The following AFF4 variants were observed in gnomAD, a reference collection of about 807,000 sequenced individuals.
AFF4 encodes the protein AF4/FMR2 family member 4.
In AFF4, 13 loss-of-function variants were observed where a neutral mutation model predicts 124.8. The ratio of observed to expected loss-of-function variants is 0.10; its 90% CI spans 0.07 to 0.17. AFF4 has a LOEUF of 0.17. AFF4 is among the 10% of genes least tolerant of loss of function. The pLI, the probability that AFF4 is intolerant of heterozygous loss-of-function variation, is 1.00. For synonymous variants in AFF4, 477 were observed against 496.1 expected, an observed-to-expected ratio of 0.96 and a Z score of 0.51; for missense variants, 1,092 against 1,403.8, an observed-to-expected ratio of 0.78 and a Z score of 3.55.
intron 6 of AFF4, among the ~76,000 whole-genome samples, chr5:132,903,492 T>TA (rs1270085958): frequency 2.0e-5 from 3 of 152,178 alleles, no homozygotes; most frequent in Non-Finnish European, 4.4e-5. Context: ...AGGTATACGG[T>TA]AAAGCCCAGA....
intron 5 of AFF4, among the ~76,000 whole-genome samples, chr5:132,906,790 G>A (rs1760680519): frequency 6.7e-6 from 1 of 149,030 alleles, no homozygotes; most frequent in African/African-American, 2.4e-5. Context: ...GGTCACTTTT[G>A]TGACTTTTGT....
At chr5:132,892,897 A>G (rs1466611879) in intron 12 of AFF4, 133 bp downstream of exon 12, 2 of 770,844 alleles carry the variant, frequency 2.6e-6, no homozygotes, top group Admixed American at 2.4e-5. Flanking sequence ...ACTATTTGGC[A>G]TATGTTATGT....
At chr5:132,948,194 G>A (rs1453451975) in intron 1 of AFF4, among the ~76,000 whole-genome samples, 1 of 152,018 alleles carries the variant, frequency 6.6e-6, no homozygotes, top group Non-Finnish European at 1.5e-5. Flanking sequence ...GGGACTACAG[G>A]CACCCGCCAA....
intron 4 of AFF4, chr5:132,927,632 CA>C (rs1347288114): frequency 6.2e-6 from 1 of 161,792 alleles, no homozygotes; most frequent in Admixed American, 6.5e-5. Flanking sequence ...TTAGTACTCA[CA>C]ATGACATTAT....
chr5:132,891,600 A>G (rs1351078350), intron 13 of AFF4, among the ~76,000 whole-genome samples: 3 of 152,166 alleles, frequency 2.0e-5, no homozygotes, highest in Non-Finnish European at 4.4e-5. Context: ...TTAGCTAAAG[A>G]TTTCTTTTTC....
intron 14 of AFF4, 117 bp from the exon 15 acceptor site, chr5:132,888,277 C>T (rs1439180102): frequency 1.4e-6 from 1 of 735,572 alleles, no homozygotes; most frequent in Non-Finnish European, 2.1e-6. Context: ...TGAGCTGTTA[C>T]TAAGAATTTG....
chr5:132,949,583 G>A (rs1039263138), intron 1 of AFF4, among the ~76,000 whole-genome samples: 5 of 151,074 alleles, frequency 3.3e-5, no homozygotes, highest in Non-Finnish European at 7.4e-5. Flanking sequence ...AGGCTGAGGC[G>A]GGTGGATCAC....
chr5:132,908,415 T>G (rs1047735941), intron 5 of AFF4, among the ~76,000 whole-genome samples: 3 of 152,100 alleles, frequency 2.0e-5, no homozygotes, highest in Non-Finnish European at 4.4e-5. Context: ...ATGGAAGAAA[T>G]ACCATGCTTA....
intron 7 of AFF4, chr5:132,901,019 T>C (rs1331970931): frequency 4.1e-6 from 4 of 985,324 alleles, no homozygotes; most frequent in Non-Finnish European, 4.8e-6. Flanking sequence ...AAACACCACC[T>C]TGAAATAAAG....
chr5:132,934,424 C>A lies in AFF4; in HGVS notation c.641G>T (p.Arg214Leu). 6.2e-7 allele frequency: 1 copy of A among 1,614,066 alleles called. No homozygotes were observed. Among genetic ancestry groups the A allele is most frequent in the Non-Finnish European group, 8.5e-7 (1 of 1,180,020 alleles). Residue 214 changes from arginine to leucine, a missense_variant, in exon 3 of 21, where the codon CGG (arginine) becomes CTG (leucine). Around this residue, in one of 11 missense-constraint regions of AFF4, gnomAD observed 188 missense variants for 203.0 expected, o/e 0.93. Transcript: ENST00000265343. ...AGAATCCCAGTTTGCATCAGGGTCC[C>A]GAGGTGATTTGGAGCGTTGATGTTC... is the stretch of plus-strand genomic sequence containing the variant. The part of the protein sequence containing the change: ...SKEHQRSKSP[R>L]DPDANWDSPS...
rs946669782 is a variant in AFF4 at position 132,898,158 on chromosome 5, T to A, written c.1389+72A>T. ...CTTTCCTTCTCCTTTTATATTTGGA[T>A]CAGGTTTTAAATGGACATCACCAAG... is the stretch of plus-strand genomic sequence containing the variant. On this transcript the variant is annotated intron_variant, in intron 10 of 20. Transcript: ENST00000265343. 2.9e-5 allele frequency: 45 copies of A among 1,535,206 alleles called. No individual in the cohort carries two copies. The African/African-American group carries it at 5.7e-4, about 19-fold the overall frequency.
intron 1 of AFF4, among the ~76,000 whole-genome samples, chr5:132,954,162 G>A (rs938370761): frequency 2.0e-5 from 3 of 152,100 alleles, no homozygotes; most frequent in Non-Finnish European, 4.4e-5. Context: ...TTTCACAGAC[G>A]ACAATTTTTC....
chr5:132,927,180 G>C lies in AFF4; in HGVS notation c.991C>G (p.Leu331Val). Residue 331 changes from leucine (L) to valine (V), a missense_variant, in exon 5 of 21, where the codon CTA (leucine) becomes GTA (valine). Coordinates refer to ENST00000265343, the MANE Select transcript of AFF4 (RefSeq NM_014423.4). Reference protein sequence around the residue: ...KEMTHSWPPPLTAIHTPCKTE... With the variant: ...KEMTHSWPPPVTAIHTPCKTE... Reference sequence around the variant, plus strand: ...TTGCATGGTGTATGAATAGCCGTTAGAGGGGGAGGCCATGAATGCGTCATC... The same window carrying C: ...TTGCATGGTGTATGAATAGCCGTTACAGGGGGAGGCCATGAATGCGTCATC... 1 of 1,611,332 alleles carries C rather than the reference G, an allele frequency of 6.2e-7. No homozygotes were observed. Among genetic ancestry groups the C allele is most frequent in the Non-Finnish European group, 8.5e-7 (1 of 1,179,158 alleles).
intron 5 of AFF4, among the ~76,000 whole-genome samples, chr5:132,905,098 A>G (rs1487520692): frequency 2.0e-5 from 3 of 151,322 alleles, no homozygotes; most frequent in African/African-American, 7.3e-5. Context: ...AAAAAATCCC[A>G]TATGGATATT....
At chr5:132,888,058 T>TAA in intron 15 of AFF4, 39 bp downstream of exon 15, 1 of 1,605,992 alleles carries the variant, frequency 6.2e-7, no homozygotes, top group Non-Finnish European at 8.5e-7. Flanking sequence ...TTAAGTTAAT[T>TAA]TGATTAAATA....
intron 5 of AFF4, among the ~76,000 whole-genome samples, chr5:132,911,285 T>C (rs555233052): frequency 6.6e-6 from 1 of 152,338 alleles, no homozygotes; most frequent in East Asian, 1.9e-4. Flanking sequence ...ACTAGTCTTT[T>C]ACCCTCATCT....
At chr5:132,885,043 C>T (rs760165185) in intron 19 of AFF4, 33 bp downstream of exon 19, 4 of 1,540,656 alleles carry the variant, frequency 2.6e-6, no homozygotes, top group African/African-American at 1.4e-5. Context: ...TTTATTGCCA[C>T]AATAATATTT....
Position 132,944,166 on chromosome 5 carries a change from T to C in AFF4, c.-4-6973A>G, listed in dbSNP as rs527525902. 2.0e-5 allele frequency: 3 copies of C among 152,220 alleles called. No homozygotes were observed. The East Asian group carries it at 5.8e-4, about 30-fold the overall frequency. The allele number at this position is 152,220 out of a possible 1,614,324, so 9.4% of individuals were successfully genotyped here. ...TCCTGGCTAACACGGTGAAACCCCA[T>C]CTCTACTAAAAATACAAAAAATTAG... is the stretch of plus-strand genomic sequence containing the variant. On this transcript the variant is annotated intron_variant, in intron 1 of 20. Coordinates refer to ENST00000265343, the MANE Select transcript of AFF4 (RefSeq NM_014423.4).
intron 18 of AFF4, 122 bp from the exon 19 acceptor site, chr5:132,885,241 C>A (rs546796244): frequency 5.3e-6 from 3 of 565,602 alleles, no homozygotes; most frequent in Admixed American, 4.2e-5. Flanking sequence ...ATTTAAGACA[C>A]CAAAATACGT....
Sources: gnomAD v4.1 joint callset for allele counts (sites outside exome capture counted in the v4.1 genomes callset) on GRCh38, gnomAD v4.1.1 for gene constraint, gnomAD v4.1.1 regional missense constraint, MANE v1.5 for transcripts, NCBI Gene and HGNC (gene_info 2026-07-23, HGNC 2026-07-21) for gene names.